MAJIN: variants seen among roughly 807,000 people sequenced by gnomAD.
The protein encoded by MAJIN is membrane anchored junction protein.
Under a neutral mutation model 30.2 loss-of-function variants are expected in MAJIN, and 27 were observed. That is an observed-to-expected ratio of 0.89 (90% confidence interval 0.66 to 1.23). MAJIN has a LOEUF of 1.23. Among genes scored for constraint, MAJIN ranks in the 50% most tolerant of loss-of-function variants. The pLI is 0.00. For missense variants in MAJIN, 253 were observed against 260.3 expected, an observed-to-expected ratio of 0.97 and a Z score of 0.19; for synonymous variants, 78 against 91.6, an observed-to-expected ratio of 0.85 and a Z score of 0.85.
intron 8 of MAJIN, among the ~76,000 whole-genome samples, chr11:64,941,050 G>C (rs983938863): frequency 6.6e-6 from 1 of 151,782 alleles, no homozygotes; most frequent in East Asian, 1.9e-4. Context: ...GTGTTAGCCA[G>C]GATGGTCTCG....
At position 64,938,469 on chromosome 11, in the gene MAJIN, C is replaced by T; in HGVS notation, c.*106G>A. The stretch of plus-strand genomic sequence containing the variant: ...AAGGATAGAGTTGGAGGAAGAATGG[C>T]TCGGGAGGAGTCACTACAAGAGATG... On this transcript the variant is annotated 3_prime_UTR_variant, in exon 11 of 11. Coordinates refer to ENST00000301896, the MANE Select transcript of MAJIN (RefSeq NM_001037225.3). 1.3e-6 allele frequency: 2 copies of T among 1,494,798 alleles called. No individual in the cohort carries two copies. The highest frequency in any genetic ancestry group is 1.8e-6 in the Non-Finnish European group (2 of 1,109,532). The allele number at this position is 1,494,798 out of a possible 1,614,324, so 92.6% of individuals were successfully genotyped here. A position where few individuals can be genotyped will look rare whatever the true frequency, so the allele number is the denominator to read the frequency against.
intron 1 of MAJIN, among the ~76,000 whole-genome samples, chr11:64,970,642 G>C (rs1312242446): frequency 6.6e-6 from 1 of 151,436 alleles, no homozygotes; most frequent in African/African-American, 2.4e-5. Flanking sequence ...TGGGATTACA[G>C]GCATGAGCCA....
At position 64,959,315 on chromosome 11, in the gene MAJIN, T is replaced by C. The variant is rs200188712; in HGVS notation, c.91A>G (p.Lys31Glu). ...TACCTTTGAAATTACCTGATACTCT[T>C]CCCATATCTGATTTTGAATTTATAC... is the stretch of plus-strand genomic sequence containing the variant. ...NVYKFKIRYGKSIRGEEIENK... is the reference protein window; with the variant it reads ...NVYKFKIRYGESIRGEEIENK... The change falls in exon 3 of 11, where the codon AAG (lysine) becomes GAG (glutamate). Residue 31 changes from lysine (K) to glutamate (E), a missense_variant. Lys to Glu is a moderately conservative substitution (Grantham distance 56). Coordinates refer to ENST00000301896, the MANE Select transcript of MAJIN (RefSeq NM_001037225.3). 3 of 1,612,238 alleles carry C rather than the reference T, an allele frequency of 1.9e-6. No homozygotes were observed. Among genetic ancestry groups the C allele is most frequent in the Non-Finnish European group, 2.5e-6 (3 of 1,178,278 alleles).
chr11:64,955,043 C>A (rs1233078723), intron 3 of MAJIN, among the ~76,000 whole-genome samples: 1 of 152,236 alleles, frequency 6.6e-6, no homozygotes, highest in Non-Finnish European at 1.5e-5. Context: ...GAAAGTTAAT[C>A]ATTGGTTACA....
Position 64,971,687 on chromosome 11 carries a change from T to G in MAJIN, c.-65+190A>C, listed in dbSNP as rs1945908922. On this transcript the variant is annotated intron_variant, in intron 1 of 10. Transcript: ENST00000301896. ...CGGCCTCCCCGTGGGAGCCCTGCAGTGGCACGGCCTGCACCCTGGGCGAGC... is the reference window on the plus strand; with the variant it reads ...CGGCCTCCCCGTGGGAGCCCTGCAGGGGCACGGCCTGCACCCTGGGCGAGC... Among the ~76,000 whole-genome samples the G allele has an allele frequency of 2.6e-5, 4 of 151,880 alleles. No homozygotes were observed. The South Asian group carries it at 8.3e-4, about 32-fold the overall frequency.
intron 1 of MAJIN, among the ~76,000 whole-genome samples, chr11:64,966,633 T>C (rs924241267): frequency 3.9e-5 from 6 of 152,004 alleles, no homozygotes; most frequent in Non-Finnish European, 7.4e-5. Flanking sequence ...ATTAAGGAGA[T>C]AAGAATTGTA....
chr11:64,939,279 T>C (rs1945336746), intron 10 of MAJIN, among the ~76,000 whole-genome samples: 1 of 152,122 alleles, frequency 6.6e-6, no homozygotes, highest in Admixed American at 6.5e-5. Flanking sequence ...TTTTGTATTT[T>C]TAGTAGAGAT....
chr11:64,956,443 C>T (rs907972064), intron 3 of MAJIN, among the ~76,000 whole-genome samples: 9 of 151,676 alleles, frequency 5.9e-5, no homozygotes, highest in Non-Finnish European at 8.8e-5. Context: ...GAGCCAAGAT[C>T]GCACCATTGC....
rs540079250 is a variant in MAJIN at position 64,966,851 on chromosome 11, T to C, written c.-65+5026A>G. Among the ~76,000 whole-genome samples, 292 of 151,212 alleles carry C rather than the reference T, an allele frequency of 1.9e-3. 4 individuals carry two copies. In the South Asian group the frequency reaches 0.033, roughly 17 times the overall value. On this transcript the variant is annotated intron_variant, in intron 1 of 10. Transcript: ENST00000301896. The stretch of plus-strand genomic sequence containing the variant: ...CAGGGGGCTGAGGCAGGAGAATCAC[T>C]TGAACCCGGGAGATGGAGGTTGTAG...
Position 64,939,529 on chromosome 11 carries a change from T to C in MAJIN, c.*1+133A>G, listed in dbSNP as rs1441446060. 9 of 727,558 alleles carry C rather than the reference T, an allele frequency of 1.2e-5. No homozygotes were observed. In the South Asian group the frequency reaches 1.5e-4, roughly 12 times the overall value. The allele number at this position is 727,558 out of a possible 1,614,324, so 45.1% of individuals were successfully genotyped here. On this transcript the variant is annotated intron_variant, in intron 10 of 10. Transcript: ENST00000301896. ...GCTTTTGTTCTTAATCTCATTTCCA[T>C]CATCTATCCTAGACATAAGTGAGAA...
intron 2 of MAJIN, among the ~76,000 whole-genome samples, 164 bp downstream of exon 2, chr11:64,959,925 C>T (rs1195894855): frequency 6.6e-6 from 1 of 152,172 alleles, no homozygotes; most frequent in African/African-American, 2.4e-5. Flanking sequence ...GGTATTACTA[C>T]AACTTCCTGC....
intron 4 of MAJIN, chr11:64,954,471 T>C: frequency 4.0e-6 from 2 of 498,114 alleles, no homozygotes; most frequent in Non-Finnish European, 7.3e-6. Flanking sequence ...AATCTTTCTC[T>C]ATGCCAGCTG....
At chr11:64,965,815 G>T (rs552801008) in intron 1 of MAJIN, among the ~76,000 whole-genome samples, 9 of 152,160 alleles carry the variant, frequency 5.9e-5, no homozygotes, top group Admixed American at 2.6e-4. Context: ...AATTAGCCAG[G>T]CGTGGTGGCA....
At chr11:64,967,497 ATTCTAAGTAAGTGACTAAT>A in intron 1 of MAJIN, among the ~76,000 whole-genome samples, 1 of 152,364 alleles carries the variant, frequency 6.6e-6, no homozygotes, top group Admixed American at 6.5e-5. Flanking sequence ...AGGGAAGCCC[ATTCTAAGTAAGTGACTAAT>A]TTCTAAAGGA....
chr11:64,965,880 C>T (rs1168362417), intron 1 of MAJIN, among the ~76,000 whole-genome samples: 2 of 150,830 alleles, frequency 1.3e-5, no homozygotes, highest in East Asian at 2.0e-4. Context: ...GGCGTGAACC[C>T]GGGAGGCAGA....
intron 1 of MAJIN, among the ~76,000 whole-genome samples, chr11:64,963,707 G>A (rs1590706841): frequency 6.6e-6 from 1 of 152,034 alleles, no homozygotes; most frequent in South Asian, 2.1e-4. Flanking sequence ...ACATGGTGGT[G>A]GGCACCTGTA....
chr11:64,952,085 C>T (rs539837710), intron 4 of MAJIN, among the ~76,000 whole-genome samples: 9 of 152,178 alleles, frequency 5.9e-5, no homozygotes, highest in African/African-American at 2.2e-4. Flanking sequence ...GATGGGGTTT[C>T]GCCATGTTGT....
intron 3 of MAJIN, among the ~76,000 whole-genome samples, chr11:64,957,553 A>C (rs996760927): frequency 1.3e-5 from 2 of 151,818 alleles, no homozygotes; most frequent in African/African-American, 4.8e-5. Context: ...ACAGGTCTGC[A>C]CCACCATGCT....
intron 4 of MAJIN, chr11:64,954,003 G>A (rs1945594239): frequency 6.5e-6 from 1 of 153,506 alleles, no homozygotes; most frequent in Non-Finnish European, 1.4e-5. Context: ...TTGAAATGTG[G>A]AGGCATATGT....
Sources: allele counts gnomAD v4.1 joint callset (sites outside exome capture counted in the v4.1 genomes callset), GRCh38; gene constraint gnomAD v4.1.1; transcripts MANE v1.5; gene names NCBI Gene and HGNC (gene_info 2026-07-23, HGNC 2026-07-21).